Variants in CYRIB observed in about 807,000 individuals in gnomAD.
CYRIB encodes the protein CYFIP-related Rac1 interactor B.
CYRIB carries 8 observed loss-of-function variants against 44.2 expected under a neutral mutation model. The observed-to-expected ratio is 0.18, with a 90% confidence interval of 0.11 to 0.33. The LOEUF (loss-of-function observed/expected upper bound fraction) is 0.33. CYRIB is among the 10% of genes least tolerant of loss of function. The probability of loss-of-function intolerance (pLI) is 1.00; values close to 1 mark genes in which losing one functional copy is unlikely to be tolerated. For missense variants in CYRIB, 185 were observed against 382.8 expected (o/e 0.48, Z 4.31); for synonymous variants, 131 against 127.2 (o/e 1.03, Z -0.20).
chr8:129,864,861 C>A, intron 4 of CYRIB: 1 of 414,118 alleles, frequency 2.4e-6, no homozygotes, highest in South Asian at 1.9e-5. Flanking sequence ...CCTCATTGAT[C>A]AATTCCATAA....
chr8:129,955,539 A>G (rs943245179), intron 2 of CYRIB, among the ~76,000 whole-genome samples: 3 of 152,206 alleles, frequency 2.0e-5, no homozygotes, highest in Non-Finnish European at 2.9e-5. Flanking sequence ...ATATTAGATA[A>G]GCATTTCAAG....
intron 2 of CYRIB, among the ~76,000 whole-genome samples, chr8:129,898,486 G>A (rs925353950): frequency 4.6e-5 from 7 of 152,202 alleles, no homozygotes; most frequent in African/African-American, 1.4e-4. Context: ...GAAGACGGAT[G>A]TTAAGAAATG....
intron 1 of CYRIB, among the ~76,000 whole-genome samples, chr8:129,984,537 T>C (rs898675994): frequency 6.6e-6 from 1 of 152,148 alleles, no homozygotes; most frequent in Non-Finnish European, 1.5e-5. Context: ...ACAGGAACAC[T>C]GGGCTCTAGG....
intron 6 of CYRIB, among the ~76,000 whole-genome samples, chr8:129,854,765 C>T (rs2045264492): frequency 6.6e-6 from 1 of 152,182 alleles, no homozygotes; most frequent in African/African-American, 2.4e-5. Context: ...TCCAGCTCTT[C>T]CATTTTCTAG....
At chr8:129,930,619 C>A (rs1234255905) in intron 1 of CYRIB, among the ~76,000 whole-genome samples, 1 of 151,754 alleles carries the variant, frequency 6.6e-6, no homozygotes, top group Non-Finnish European at 1.5e-5. Flanking sequence ...ATCGCACATA[C>A]CATAATGGAA....
chr8:129,849,271 C>A (rs1459471656), exon 10 of CYRIB: 1 of 1,604,464 alleles, frequency 6.2e-7, no homozygotes, highest in Non-Finnish European at 8.5e-7. Flanking sequence ...AGCAAATGCT[C>A]CCACTGGATG....
intron 9 of CYRIB, 126 bp from the exon 12 acceptor site, chr8:129,849,495 T>A: frequency 1.1e-6 from 1 of 910,606 alleles, no homozygotes; most frequent in Non-Finnish European, 1.6e-6. Context: ...TTGAATGCAG[T>A]ATGTTCACAA....
intron 1 of CYRIB, among the ~76,000 whole-genome samples, chr8:129,997,663 C>T (rs1452832815): frequency 6.6e-6 from 1 of 152,156 alleles, no homozygotes. Context: ...CTGGACAGAG[C>T]CAGAGAATCA....
At position 129,870,100 on chromosome 8, in the gene CYRIB, G is replaced by C. The variant is rs897691619; in HGVS notation, c.195+1275C>G. 3.3e-5 allele frequency among the ~76,000 whole-genome samples: 5 copies of C among 152,044 alleles called. No homozygotes were observed. In the East Asian group the frequency reaches 9.6e-4, roughly 29 times the overall value. ...AATTTCCCTCAGTTAATGACACTAC[G>C]ATCTGCTAATGTAAAATAAAAACAA... is the stretch of plus-strand genomic sequence containing the variant. On this transcript the variant is annotated intron_variant, in intron 4 of 11. Transcript: ENST00000519824.
At chr8:129,991,133 GAAAAAAAAAAA>G (rs35682865) in intron 1 of CYRIB, among the ~76,000 whole-genome samples, 3 of 67,752 alleles carry the variant, frequency 4.4e-5, no homozygotes, top group African/African-American at 1.1e-4. Context: ...CTCTGTCTCA[GAAAAAAAAAAA>G]AAAAAAAAAA....
intron 1 of CYRIB, among the ~76,000 whole-genome samples, chr8:129,989,656 T>C (rs1383165342): frequency 1.3e-5 from 2 of 151,156 alleles, no homozygotes; most frequent in Non-Finnish European, 3.0e-5. Flanking sequence ...TTTTTTTTTT[T>C]AATTATACTT....
At chr8:129,931,849 A>T (rs1023361940) in intron 1 of CYRIB, among the ~76,000 whole-genome samples, 20 of 151,196 alleles carry the variant, frequency 1.3e-4, no homozygotes, top group African/African-American at 4.6e-4. Context: ...CTGGTCACAA[A>T]CTCCTGGCCT....
intron 2 of CYRIB, among the ~76,000 whole-genome samples, chr8:129,962,152 G>T (rs144407067): frequency 6.6e-6 from 1 of 152,004 alleles, no homozygotes; most frequent in African/African-American, 2.4e-5. Flanking sequence ...GGAGGCTGAG[G>T]TGGATCACCT....
chr8:129,843,127 T>A (rs2037487879), intron 11 of CYRIB, among the ~76,000 whole-genome samples: 2 of 152,198 alleles, frequency 1.3e-5, no homozygotes, highest in Non-Finnish European at 2.9e-5. Context: ...CGGAGAAAGA[T>A]AATGATACAC....
In CYRIB at chr8:130,010,405, G is replaced by A. The variant is rs1009616555; in HGVS notation, c.-296+5965C>T. Among the ~76,000 whole-genome samples, 32 of 152,300 alleles carry A rather than the reference G, an allele frequency of 2.1e-4. No individual in the cohort carries two copies. In the South Asian group the frequency reaches 3.1e-3, roughly 15 times the overall value. On this transcript the variant is annotated intron_variant, in intron 1 of 14. Transcript: ENST00000401979. ...GTTCCAGTCCTGACTGTGCCTCTTG[G>A]TCAAGATGCTTCCCCCCAGGAGGTC... is the stretch of plus-strand genomic sequence containing the variant.
In CYRIB at chr8:129,927,134, C is replaced by A. The variant is rs1199837919; in HGVS notation, c.-50+12474G>T. On this transcript the variant is annotated intron_variant, in intron 1 of 11. Coordinates refer to ENST00000519824, the Ensembl canonical transcript of CYRIB. ...CCTGTCTCTACTAAAAATACACACA[C>A]AAAAAAAAATAGCCAAGTATGGTGG... Among the ~76,000 whole-genome samples, 8 of 149,974 alleles carry A rather than the reference C, an allele frequency of 5.3e-5. No homozygotes were observed. The South Asian group carries it at 6.3e-4, about 12-fold the overall frequency.
chr8:129,933,863 CAG>C (rs2138631337), intron 1 of CYRIB, among the ~76,000 whole-genome samples: 1 of 149,438 alleles, frequency 6.7e-6, no homozygotes, highest in East Asian at 2.0e-4. Context: ...GACAGGGTGA[CAG>C]AGTAAGACTC....
chr8:129,935,129 A>C (rs1398263451), intron 1 of CYRIB, among the ~76,000 whole-genome samples: 2 of 152,234 alleles, frequency 1.3e-5, no homozygotes, highest in Non-Finnish European at 2.9e-5. Flanking sequence ...GTCCGAGAAC[A>C]GTATGACATA....
At chr8:129,953,874 G>A (rs2094636171) in intron 2 of CYRIB, among the ~76,000 whole-genome samples, 1 of 152,160 alleles carries the variant, frequency 6.6e-6, no homozygotes, top group Non-Finnish European at 1.5e-5. Context: ...GAAATACAGA[G>A]ATTTAGACAG....
Sources: gnomAD v4.1 joint callset for allele counts (sites outside exome capture counted in the v4.1 genomes callset) on GRCh38, gnomAD v4.1.1 for gene constraint, MANE v1.5 for transcripts, NCBI Gene and HGNC (gene_info 2026-07-23, HGNC 2026-07-21) for gene names.